Variants in WDPCP observed in about 807,000 individuals in gnomAD.
The protein encoded by WDPCP is WD repeat-containing and planar cell polarity effector protein fritz homolog.
In WDPCP, 71 loss-of-function variants were observed where a neutral mutation model predicts 93.1. The observed-to-expected ratio is 0.76, with a 90% confidence interval of 0.63 to 0.93. The LOEUF (loss-of-function observed/expected upper bound fraction) is 0.93, where lower values mean the gene tolerates loss of function less well. Ranked by LOEUF, WDPCP falls within the 40% of genes least tolerant of loss-of-function variation. WDPCP has a pLI of 0.00. For synonymous variants in WDPCP, 315 were observed against 315.0 expected (o/e 1.00, Z 0.00); for missense variants, 844 against 887.4 (o/e 0.95, Z 0.62).
At chr2:63,264,127 C>T (rs1315158622) in intron 13 of WDPCP, among the ~76,000 whole-genome samples, 3 of 152,154 alleles carry the variant, frequency 2.0e-5, no homozygotes, top group African/African-American at 7.2e-5. Flanking sequence ...CGGCCAGATG[C>T]CTAGCTATCA....
intron 6 of WDPCP, chr2:63,443,245 G>C (rs1426790171): frequency 6.6e-6 from 1 of 152,200 alleles, no homozygotes; most frequent in South Asian, 2.1e-4. Context: ...TTCAAGTGTG[G>C]ACACAGATAA....
intron 2 of WDPCP, among the ~76,000 whole-genome samples, chr2:63,761,656 A>G (rs894956446): frequency 6.6e-6 from 1 of 152,132 alleles, no homozygotes; most frequent in African/African-American, 2.4e-5. Context: ...AGGTTAGGGC[A>G]GTCTCTCTTT....
chr2:63,171,301 G>C (rs538086338), intron 15 of WDPCP, among the ~76,000 whole-genome samples: 1 of 152,138 alleles, frequency 6.6e-6, no homozygotes, highest in Non-Finnish European at 1.5e-5. Flanking sequence ...TGCACATCAG[G>C]TATTTAATAA....
At chr2:63,588,613 G>A (rs367982725), upstream of WDPCP, 27 of 498,316 alleles carry the variant, frequency 5.4e-5, no homozygotes, top group East Asian at 6.1e-4. Context: ...AGTCACGCGC[G>A]TGGGGGTGAT....
chr2:63,589,157 C>T (rs1012782771), upstream of WDPCP: 4 of 1,612,006 alleles, frequency 2.5e-6, no homozygotes, highest in Admixed American at 1.7e-5. Context: ...CTGTCCTTCG[C>T]GCCCTTTGGC....
intron 2 of WDPCP, among the ~76,000 whole-genome samples, chr2:63,681,940 C>T (rs1668704004): frequency 6.6e-6 from 1 of 152,204 alleles, no homozygotes; most frequent in Admixed American, 6.5e-5. Flanking sequence ...GACCACAAAG[C>T]TGATATTTCC....
At chr2:63,350,602 C>T (rs1355026244) in intron 12 of WDPCP, among the ~76,000 whole-genome samples, 6 of 152,126 alleles carry the variant, frequency 3.9e-5, no homozygotes, top group Non-Finnish European at 8.8e-5. Flanking sequence ...CTGTGAGCTA[C>T]TGTCCATTTG....
intron 12 of WDPCP, among the ~76,000 whole-genome samples, chr2:63,321,420 G>A (rs1209149389): frequency 9.5e-6 from 1 of 105,740 alleles, no homozygotes; most frequent in Non-Finnish European, 1.9e-5. Flanking sequence ...GTGTGTGTGT[G>A]TGTGTATCCA....
At chr2:63,646,842 T>C (rs530690001) in intron 3 of WDPCP, among the ~76,000 whole-genome samples, 20 of 152,198 alleles carry the variant, frequency 1.3e-4, no homozygotes, top group East Asian at 5.8e-4. Context: ...CCTTTCTTTA[T>C]TCTTGATCTT....
intron 3 of WDPCP, among the ~76,000 whole-genome samples, chr2:63,603,809 C>A (rs1289784484): frequency 6.6e-6 from 1 of 152,128 alleles, no homozygotes; most frequent in Admixed American, 6.5e-5. Context: ...AGACATGTGC[C>A]ACCAAGCCCG....
At chr2:63,809,918 AT>A (rs1363375336) in intron 2 of WDPCP, among the ~76,000 whole-genome samples, 1 of 151,760 alleles carries the variant, frequency 6.6e-6, no homozygotes, top group Admixed American at 6.6e-5. Flanking sequence ...TAAAAAATAA[AT>A]AAATAAATAA....
intron 2 of WDPCP, among the ~76,000 whole-genome samples, chr2:63,698,836 G>A (rs1014582640): frequency 6.6e-6 from 1 of 152,178 alleles, no homozygotes; most frequent in Non-Finnish European, 1.5e-5. Context: ...GAAGAATCCT[G>A]TTGCAGACAA....
intron 2 of WDPCP, among the ~76,000 whole-genome samples, chr2:63,752,846 C>A (rs1575764731): frequency 6.6e-6 from 1 of 152,170 alleles, no homozygotes; most frequent in South Asian, 2.1e-4. Flanking sequence ...GCGCCCACCA[C>A]CAGCCCAGTT....
chr2:63,605,926 T>C (rs746705564), intron 3 of WDPCP: 7 of 1,606,970 alleles, frequency 4.4e-6, no homozygotes, highest in East Asian at 4.5e-5. Context: ...ATGTGAAACA[T>C]TGTTATTTTC....
At chr2:63,743,823 T>A (rs1669758374) in intron 2 of WDPCP, among the ~76,000 whole-genome samples, 1 of 152,146 alleles carries the variant, frequency 6.6e-6, no homozygotes, top group African/African-American at 2.4e-5. Context: ...TGGAAAATTA[T>A]GTTTAAAAAA....
At chr2:63,566,505 C>T (rs1056684894) in intron 1 of WDPCP, among the ~76,000 whole-genome samples, 2 of 152,206 alleles carry the variant, frequency 1.3e-5, no homozygotes, top group African/African-American at 4.8e-5. Context: ...CCACTTTGGG[C>T]ACATGTTGTC....
rs781719914 is a variant in WDPCP at position 63,381,882 on chromosome 2, A to ATGTATATACAAAACTCAC, written c.1624+23_1624+24insGTGAGTTTTGTATATACA. ...ATTTCATGTATATACAAAACTCATC[A>ATGTATATACAAAACTCAC]ATGAAAAATATTTCAAGTCTGACCT... On this transcript the variant is annotated intron_variant, in intron 11 of 17. Transcript: ENST00000272321. 1,279 of 1,611,994 alleles carry ATGTATATACAAAACTCAC rather than the reference A, an allele frequency of 7.9e-4. 8 individuals are homozygous for ATGTATATACAAAACTCAC. Among genetic ancestry groups the ATGTATATACAAAACTCAC allele is most frequent in the Non-Finnish European group, 8.2e-4 (967 of 1,178,862 alleles).
At chr2:63,199,811 C>T (rs534356849) in intron 14 of WDPCP, among the ~76,000 whole-genome samples, 3 of 152,300 alleles carry the variant, frequency 2.0e-5, no homozygotes, top group African/African-American at 7.2e-5. Flanking sequence ...GGCCATCATC[C>T]CCCAGACCCC....
intron 1 of WDPCP, among the ~76,000 whole-genome samples, chr2:63,502,367 T>C (rs1398601617): frequency 2.0e-5 from 3 of 152,206 alleles, no homozygotes; most frequent in Non-Finnish European, 4.4e-5. Context: ...AAAATATACA[T>C]ACACACTTTA....
Sources: allele counts gnomAD v4.1 joint callset (sites outside exome capture counted in the v4.1 genomes callset), GRCh38; gene constraint gnomAD v4.1.1; transcripts MANE v1.5; gene names NCBI Gene and HGNC (gene_info 2026-07-23, HGNC 2026-07-21).